Variants in ZNF578 observed in about 807,000 individuals in gnomAD.
The protein encoded by ZNF578 is zinc finger protein 578.
ZNF578 carries 8 observed loss-of-function variants against 8.3 expected under a neutral mutation model. The observed-to-expected ratio is 0.96, with a 90% CI of 0.56 to 1.74. ZNF578 has a LOEUF of 1.74. Ranked by LOEUF, ZNF578 falls within the 40% of genes most tolerant of loss-of-function variation. The pLI, the probability that ZNF578 is intolerant of heterozygous loss-of-function variation, is 0.00. For synonymous variants in ZNF578, 206 were observed against 232.2 expected (o/e 0.89, Z 1.03); for missense variants, 726 against 707.5 (o/e 1.03, Z -0.30).
chr19:52,502,014 G>A, intron 4 of ZNF578, 106 bp downstream of exon 4: 1 of 1,496,558 alleles, frequency 6.7e-7, no homozygotes, highest in Non-Finnish European at 8.9e-7. Flanking sequence ...TCTTTTCTGA[G>A]TCTGAAGCAT....
intron 1 of ZNF578, chr19:52,454,213 A>C (rs1404059820): frequency 6.6e-6 from 1 of 152,218 alleles, no homozygotes; most frequent in Non-Finnish European, 1.5e-5. Flanking sequence ...CGATTGATTT[A>C]TTCTTTCCTC....
Position 52,515,543 on chromosome 19 carries a change from G to GT in ZNF578, c.*3390dup, listed in dbSNP as rs1568470184. Among the ~76,000 whole-genome samples the GT allele has an allele frequency of 6.6e-6, 1 of 152,128 alleles. No individual in the cohort carries two copies. The highest frequency in any genetic ancestry group is 2.4e-5 in the African/African-American group (1 of 41,444). On this transcript the variant is annotated 3_prime_UTR_variant, in exon 6 of 6. Transcript: ENST00000421239. ...GCCATTAGCCCTTCCAGGACCCCAT[G>GT]TAAGACTTTAGACACCTTCTCACTC...
In ZNF578 at chr19:52,514,595, G is replaced by T. The variant is rs1486533141; in HGVS notation, c.*2441G>T. 1.3e-5 allele frequency among the ~76,000 whole-genome samples: 2 copies of T among 152,152 alleles called. No homozygotes were observed. Among genetic ancestry groups the T allele is most frequent in the East Asian group, 3.8e-4 (2 of 5,196 alleles). ...TTGTGTGTTTCCCTCAAGGCCCTGT[G>T]GTCCATTCTGGAAAAATGTTGAAAC... On this transcript the variant is annotated 3_prime_UTR_variant, in exon 6 of 6. Coordinates refer to ENST00000421239, the MANE Select transcript of ZNF578 (RefSeq NM_001099694.2).
chr19:52,510,209 T>C (rs901503050), intron 5 of ZNF578, among the ~76,000 whole-genome samples: 4 of 152,116 alleles, frequency 2.6e-5, no homozygotes, highest in Non-Finnish European at 2.9e-5. Flanking sequence ...ACAGTAAATA[T>C]GGTTTAAATA....
At chr19:52,488,350 C>T (rs1568461339) in intron 2 of ZNF578, among the ~76,000 whole-genome samples, 1 of 151,840 alleles carries the variant, frequency 6.6e-6, no homozygotes, top group African/African-American at 2.4e-5. Flanking sequence ...GTCAGGAGTT[C>T]GAGACAAGCC....
At chr19:52,480,289 G>A (rs907951572) in intron 2 of ZNF578, among the ~76,000 whole-genome samples, 2 of 152,100 alleles carry the variant, frequency 1.3e-5, no homozygotes, top group Non-Finnish European at 2.9e-5. Flanking sequence ...TAGGTTTCTT[G>A]TTAACCAGTT....
intron 5 of ZNF578, among the ~76,000 whole-genome samples, chr19:52,506,524 G>T (rs1247824514): frequency 6.9e-6 from 1 of 145,136 alleles, no homozygotes; most frequent in Admixed American, 7.2e-5. Context: ...CTGGAGTGCA[G>T]TGGTGCAATT....
At chr19:52,458,080 G>A (rs1176100270) in intron 2 of ZNF578, 2 of 152,692 alleles carry the variant, frequency 1.3e-5, no homozygotes, top group Non-Finnish European at 2.9e-5. Context: ...CAGCTCTGTA[G>A]ACTGGATTAT....
At chr19:52,493,318 C>G (rs2059373197) in intron 3 of ZNF578, among the ~76,000 whole-genome samples, 1 of 152,104 alleles carries the variant, frequency 6.6e-6, no homozygotes. Context: ...TACGTCCCTC[C>G]TCGTGCCGGG....
Position 52,510,587 on chromosome 19 carries a change from G to A in ZNF578, c.206G>A (p.Arg69His), listed in dbSNP as rs1356331000. The stretch of plus-strand genomic sequence containing the variant: ...TATTTTGTAGATATCTCTTCCAAAC[G>A]CATGATGAAGGAGGTCTTGTCAACA... The part of the protein sequence containing the change: ...NLEAVDISSK[R>H]MMKEVLSTGQ... The change falls in exon 6 of 6, where the codon CGC becomes CAC. Residue 69 changes from arginine to histidine, a missense_variant. By Grantham distance (29) the Arg-to-His change is conservative. Coordinates refer to ENST00000421239, the MANE Select transcript of ZNF578 (RefSeq NM_001099694.2). The A allele has an allele frequency of 1.4e-5, 21 of 1,539,778 alleles. No homozygotes were observed. Among genetic ancestry groups the A allele is most frequent in the Middle Eastern group, 1.7e-4 (1 of 5,780 alleles).
chr19:52,481,469 A>T (rs2059326135), intron 2 of ZNF578, among the ~76,000 whole-genome samples: 1 of 152,206 alleles, frequency 6.6e-6, no homozygotes, highest in Non-Finnish European at 1.5e-5. Flanking sequence ...TGACATGTTG[A>T]CTTCTGTGTA....
chr19:52,461,631 AAC>A (rs1266767004), intron 2 of ZNF578, among the ~76,000 whole-genome samples: 1 of 152,196 alleles, frequency 6.6e-6, no homozygotes, highest in Non-Finnish European at 1.5e-5. Flanking sequence ...GTGAAAAGGC[AAC>A]AGTTTTGACA....
intron 1 of ZNF578, chr19:52,455,012 C>G (rs776772276): frequency 6.6e-6 from 1 of 152,146 alleles, no homozygotes; most frequent in Non-Finnish European, 1.5e-5. Flanking sequence ...GCTTTCTACT[C>G]AGTATTGACT....
At chr19:52,507,038 AGGTCAG>A (rs2059427883) in intron 5 of ZNF578, among the ~76,000 whole-genome samples, 1 of 152,272 alleles carries the variant, frequency 6.6e-6, no homozygotes, top group South Asian at 2.1e-4. Flanking sequence ...AGATGGCTTG[AGGTCAG>A]GAGTTTGAGA....
At chr19:52,472,064 T>C (rs904038118) in intron 2 of ZNF578, among the ~76,000 whole-genome samples, 23 of 152,214 alleles carry the variant, frequency 1.5e-4, no homozygotes, top group African/African-American at 4.3e-4. Flanking sequence ...ATGGGTCTTA[T>C]TTGGCATACA....
At chr19:52,499,845 T>A (rs1179189659) in intron 3 of ZNF578, among the ~76,000 whole-genome samples, 1 of 151,992 alleles carries the variant, frequency 6.6e-6, no homozygotes, top group Admixed American at 6.6e-5. Flanking sequence ...TTCAAAATGC[T>A]TTTGGGTTGT....
At chr19:52,504,878 G>A in intron 5 of ZNF578, 97 bp downstream of exon 5, 1 of 1,302,220 alleles carries the variant, frequency 7.7e-7, no homozygotes, top group East Asian at 2.7e-5. Context: ...CCCCATACGT[G>A]GTTTTTTTGT....
Position 52,515,967 on chromosome 19 carries a change from A to C in ZNF578, c.*3813A>C, listed in dbSNP as rs956151863. Among the ~76,000 whole-genome samples the C allele has an allele frequency of 2.0e-5, 3 of 152,078 alleles. No individual in the cohort carries two copies. Among genetic ancestry groups the C allele is most frequent in the Non-Finnish European group, 2.9e-5 (2 of 68,018 alleles). On this transcript the variant is annotated 3_prime_UTR_variant, in exon 6 of 6. Transcript: ENST00000421239. ...CCCGTGTTCCCCAGGACAAAAGCCC[A>C]ACCCCTCACTGTGGCTCCACAGCCC... is the stretch of plus-strand genomic sequence containing the variant.
intron 2 of ZNF578, among the ~76,000 whole-genome samples, chr19:52,465,700 T>G (rs752059221): frequency 1.3e-5 from 2 of 152,228 alleles, no homozygotes; most frequent in Non-Finnish European, 2.9e-5. Flanking sequence ...TTATCAACTT[T>G]TACCCCACTA....
Sources: gnomAD v4.1 joint callset for allele counts (sites outside exome capture counted in the v4.1 genomes callset) on GRCh38, gnomAD v4.1.1 for gene constraint, MANE v1.5 for transcripts, NCBI Gene and HGNC (gene_info 2026-07-23, HGNC 2026-07-21) for gene names.